The following PARP1 variants were observed in gnomAD, a reference collection of about 807,000 sequenced individuals.
The protein encoded by PARP1 is poly [ADP-ribose] polymerase 1.
In PARP1, 44 loss-of-function variants were observed where a neutral mutation model predicts 118.7. The ratio of observed to expected loss-of-function variants is 0.37; its 90% CI spans 0.29 to 0.48. The LOEUF (loss-of-function observed/expected upper bound fraction) is 0.48, where lower values mean the gene tolerates loss of function less well. Ranked by LOEUF, PARP1 falls within the 20% of genes least tolerant of loss-of-function variation. The probability of loss-of-function intolerance (pLI) is 0.99; values close to 1 mark genes in which losing one functional copy is unlikely to be tolerated. For missense variants in PARP1, 1,100 were observed against 1,272.4 expected (o/e 0.86, Z 2.06); for synonymous variants, 492 against 483.2 (o/e 1.02, Z -0.24).
At chr1:226,387,728 G>C (rs1664743408) in intron 5 of PARP1, among the ~76,000 whole-genome samples, 1 of 152,116 alleles carries the variant, frequency 6.6e-6, no homozygotes, top group Non-Finnish European at 1.5e-5. Context: ...TGCCACAGTG[G>C]GAACGCTGAG....
rs777349003 is a variant in PARP1, at chr1:226,388,742, C to T, written c.631G>A (p.Asp211Asn). The change falls in exon 5 of 23, where the codon GAT (aspartate) becomes AAT (asparagine). Residue 211 changes from aspartate (D) to asparagine (N), a missense_variant. By Grantham distance (23) the Asp-to-Asn change is conservative (BLOSUM62 1). Transcript: ENST00000366794. ...ACTTCATCCACTCCATCCACCTCAT[C>T]GCCTTTTCTCTTTCTGAAGGAGACA... is the stretch of plus-strand genomic sequence containing the variant. ...GVKSEGKRKG[D>N]EVDGVDEVAK... 169 of 1,613,576 alleles carry T rather than the reference C, an allele frequency of 1.0e-4. No homozygotes were observed. Among genetic ancestry groups the T allele is most frequent in the Non-Finnish European group, 1.4e-4 (166 of 1,179,614 alleles).
chr1:226,377,082 A>C, intron 13 of PARP1, 26 bp downstream of exon 13: 1 of 1,590,670 alleles, frequency 6.3e-7, no homozygotes, highest in Non-Finnish European at 8.6e-7. Flanking sequence ...CTAGAAGCAG[A>C]CAGTGTAAGG....
At chr1:226,393,873 A>C (rs1664865198) in intron 2 of PARP1, among the ~76,000 whole-genome samples, 1 of 152,246 alleles carries the variant, frequency 6.6e-6, no homozygotes, top group African/African-American at 2.4e-5. Flanking sequence ...CAGATATAAT[A>C]CCAAAGACAC....
intron 5 of PARP1, among the ~76,000 whole-genome samples, chr1:226,387,910 T>C: frequency 6.6e-6 from 1 of 152,200 alleles, no homozygotes; most frequent in East Asian, 1.9e-4. Context: ...AAATGTGTGA[T>C]TCTTATTTAG....
intron 1 of PARP1, 96 bp downstream of exon 1, chr1:226,407,714 C>CGGGCCCGG: frequency 1.5e-6 from 2 of 1,320,804 alleles, no homozygotes; most frequent in Non-Finnish European, 2.0e-6. Context: ...GGCCCGGGCC[C>CGGGCCCGG]GCTCGCTCCC....
intron 11 of PARP1, 89 bp from the exon 12 acceptor site, chr1:226,379,363 C>T (rs914829866): frequency 6.6e-6 from 10 of 1,525,966 alleles, no homozygotes; most frequent in Admixed American, 3.3e-5. Context: ...CTGAGGTTCA[C>T]GCCTCTTGGA....
chr1:226,392,175 G>A (rs1361839858), intron 3 of PARP1, 24 bp downstream of exon 3: 1 of 1,440,004 alleles, frequency 6.9e-7, no homozygotes, highest in South Asian at 1.1e-5. Context: ...TAAAGTTCAG[G>A]GATCTGGGCC....
At chr1:226,385,920 T>C (rs973267676) in intron 6 of PARP1, among the ~76,000 whole-genome samples, 7 of 152,122 alleles carry the variant, frequency 4.6e-5, no homozygotes, top group African/African-American at 1.2e-4. Context: ...CCCTCAGTGA[T>C]TTAGAAATGA....
rs1267070467 is a variant in PARP1 at position 226,367,620 on chromosome 1, A to G, written c.2278-12T>C. On this transcript the variant is annotated splice_polypyrimidine_tract_variant and intron_variant, in intron 16 of 22. Transcript: ENST00000366794. ...ATTTCCACCTTGGCCTGGAGGAGCA[A>G]AAGAAAGCCCCCGACTTAGGTATCA... The G allele has an allele frequency of 1.2e-6, 2 of 1,613,850 alleles. No individual in the cohort carries two copies. Among genetic ancestry groups the G allele is most frequent in the Non-Finnish European group, 1.7e-6 (2 of 1,180,032 alleles).
intron 17 of PARP1, 80 bp from the exon 18 acceptor site, chr1:226,366,132 G>T: frequency 1.1e-6 from 1 of 930,800 alleles, no homozygotes; most frequent in Non-Finnish European, 1.8e-6. Context: ...CTCAGTCAAT[G>T]CATAGCTCAA....
chr1:226,362,162 A>T, intron 21 of PARP1, 79 bp from the exon 22 acceptor site: 1 of 794,198 alleles, frequency 1.3e-6, no homozygotes, highest in Non-Finnish European at 2.3e-6. Context: ...GCTCTATTTG[A>T]TGTTGGGTCC....
intron 1 of PARP1, among the ~76,000 whole-genome samples, chr1:226,406,016 G>T (rs1665139318): frequency 6.6e-6 from 1 of 152,112 alleles, no homozygotes; most frequent in Non-Finnish European, 1.5e-5. Context: ...CATTTGAAAG[G>T]TAATTTGGGT....
chr1:226,389,851 C>T (rs566366843), intron 4 of PARP1, among the ~76,000 whole-genome samples: 1 of 152,258 alleles, frequency 6.6e-6, no homozygotes, highest in South Asian at 2.1e-4. Flanking sequence ...GGCTGAGGGA[C>T]CAGCAGAGGG....
chr1:226,380,888 A>G (rs182173414), intron 9 of PARP1, among the ~76,000 whole-genome samples, 180 bp downstream of exon 9: 2 of 152,326 alleles, frequency 1.3e-5, no homozygotes, highest in East Asian at 3.9e-4. Flanking sequence ...ATGTGAATCT[A>G]CAGTACAAAG....
Position 226,385,666 on chromosome 1 carries a change from T to C in PARP1, c.849A>G (p.Val283=). ...PSGESAILDR[V]ADGMVFGALL... ...GGGCACCGAACACCATGCCATCAGC[T>C]ACTCGGTCCAAGATCTGCAGCCAGT... Residue 283 remains valine, a synonymous_variant, in exon 7 of 23, where the codon GTA becomes GTG. Coordinates refer to ENST00000366794, the MANE Select transcript of PARP1 (RefSeq NM_001618.4). 2 of 1,614,152 alleles carry C rather than the reference T, an allele frequency of 1.2e-6. No homozygotes were observed. Among genetic ancestry groups the C allele is most frequent in the Non-Finnish European group, 1.7e-6 (2 of 1,179,996 alleles).
At chr1:226,365,218 A>C (rs1226130751) in intron 18 of PARP1, 64 bp from the exon 19 acceptor site, 2 of 1,547,122 alleles carry the variant, frequency 1.3e-6, no homozygotes, top group East Asian at 2.2e-5. Context: ...GTTGACTGAA[A>C]GACAGGACTG....
At chr1:226,404,356 T>C (rs1380312406) in intron 1 of PARP1, among the ~76,000 whole-genome samples, 2 of 152,244 alleles carry the variant, frequency 1.3e-5, no homozygotes, top group Non-Finnish European at 2.9e-5. Flanking sequence ...TCCCTAAGCA[T>C]CTGGCTATCA....
intron 17 of PARP1, chr1:226,366,430 G>A (rs1322356482): frequency 9.9e-6 from 3 of 304,272 alleles, no homozygotes; most frequent in Admixed American, 4.5e-5. Flanking sequence ...CAATGGGCCA[G>A]AGGAAGTCAC....
intron 16 of PARP1, 133 bp downstream of exon 16, chr1:226,368,066 T>C (rs1448275991): frequency 1.5e-6 from 2 of 1,307,820 alleles, no homozygotes; most frequent in African/African-American, 1.4e-5. Context: ...AAACCCAACT[T>C]CAAAACAAGG....
Sources: gnomAD v4.1 joint callset for allele counts (sites outside exome capture counted in the v4.1 genomes callset) on GRCh38, gnomAD v4.1.1 for gene constraint, MANE v1.5 for transcripts, NCBI Gene and HGNC (gene_info 2026-07-23, HGNC 2026-07-21) for gene names.